SDK1: variants seen among roughly 807,000 people sequenced by gnomAD.
The protein encoded by SDK1 is sidekick cell adhesion molecule 1, also known as protein sidekick-1.
A neutral mutation model predicts 245.5 loss-of-function variants in SDK1; 157 were observed. The ratio of observed to expected loss-of-function variants is 0.64; its 90% confidence interval spans 0.56 to 0.73. The LOEUF is 0.73. Ranked by LOEUF, SDK1 falls within the 30% of genes least tolerant of loss-of-function variation. SDK1 has a pLI of 0.00. For synonymous variants in SDK1, 1,647 were observed against 1,278.5 expected (o/e 1.29, Z -6.15); for missense variants, 3,583 against 3,002.3 (o/e 1.19, Z -4.52).
chr7:3,684,679 G>A (rs1016812709), intron 4 of SDK1, among the ~76,000 whole-genome samples: 3 of 152,114 alleles, frequency 2.0e-5, no homozygotes, highest in Non-Finnish European at 4.4e-5. Flanking sequence ...TGAATGTGAT[G>A]TTGGAATAAT....
intron 1 of SDK1, among the ~76,000 whole-genome samples, chr7:3,508,689 T>G (rs1041924583): frequency 6.6e-6 from 1 of 152,192 alleles, no homozygotes; most frequent in Admixed American, 6.5e-5. Flanking sequence ...CCTTTCCTGA[T>G]TCTTCAAAGT....
intron 1 of SDK1, among the ~76,000 whole-genome samples, chr7:3,524,372 G>A (rs372393633): frequency 5.3e-5 from 8 of 152,112 alleles, no homozygotes; most frequent in East Asian, 3.9e-4. Context: ...GGATGGAAGC[G>A]GGGAGATCAA....
At chr7:3,479,474 G>A (rs964057760) in intron 1 of SDK1, among the ~76,000 whole-genome samples, 1 of 150,016 alleles carries the variant, frequency 6.7e-6, no homozygotes, top group Non-Finnish European at 1.5e-5. Flanking sequence ...GGTGGATACA[G>A]GGCTCTAAAA....
chr7:4,141,570 A>T (rs685682), intron 28 of SDK1, among the ~76,000 whole-genome samples: 27,560 of 152,198 alleles, frequency 0.18, 2,691 homozygotes, highest in South Asian at 0.24. Context: ...AGTCTTAATC[A>T]CACACAACTC....
intron 3 of SDK1, among the ~76,000 whole-genome samples, chr7:3,639,802 AAT>A (rs1782593509): frequency 6.6e-6 from 1 of 151,894 alleles, no homozygotes; most frequent in African/African-American, 2.4e-5. Flanking sequence ...GTGTATATAT[AAT>A]AGAGACATAA....
At chr7:3,454,931 C>T (rs1021827854) in intron 1 of SDK1, among the ~76,000 whole-genome samples, 5 of 152,098 alleles carry the variant, frequency 3.3e-5, no homozygotes, top group African/African-American at 1.2e-4. Flanking sequence ...GTGACTGTAC[C>T]ATTTTACTAT....
At chr7:4,200,529 G>C (rs764385045) in intron 35 of SDK1, among the ~76,000 whole-genome samples, 11 of 152,222 alleles carry the variant, frequency 7.2e-5, no homozygotes, top group Non-Finnish European at 1.6e-4. Flanking sequence ...CTGAAAGTTC[G>C]ACCGGGGAAG....
intron 22 of SDK1, among the ~76,000 whole-genome samples, chr7:4,091,353 T>TTA (rs1475737099): frequency 1.4e-5 from 2 of 145,498 alleles, no homozygotes; most frequent in African/African-American, 5.2e-5. Flanking sequence ...TTTTTTTTTT[T>TTA]TTTGTTTGAG....
At chr7:3,961,831 A>G (rs1179028887) in intron 8 of SDK1, among the ~76,000 whole-genome samples, 3 of 152,212 alleles carry the variant, frequency 2.0e-5, no homozygotes, top group Non-Finnish European at 2.9e-5. Flanking sequence ...ATGTAAATGT[A>G]CACACATGCA....
intron 1 of SDK1, among the ~76,000 whole-genome samples, chr7:3,487,057 A>T (rs1036450426): frequency 3.3e-5 from 5 of 152,274 alleles, no homozygotes; most frequent in African/African-American, 1.2e-4. Context: ...TCAGCTCGCC[A>T]TTGTGTTGTG....
intron 30 of SDK1, among the ~76,000 whole-genome samples, chr7:4,155,526 TG>T (rs1329872093): frequency 6.6e-6 from 1 of 152,180 alleles, no homozygotes; most frequent in African/African-American, 2.4e-5. Context: ...TAGCAAAGTG[TG>T]AAGTACTAAA....
intron 4 of SDK1, among the ~76,000 whole-genome samples, chr7:3,787,027 C>CT (rs1780922553): frequency 6.6e-6 from 1 of 152,042 alleles, no homozygotes; most frequent in South Asian, 2.1e-4. Flanking sequence ...TCCCCATACA[C>CT]TTTAGTGGTG....
intron 40 of SDK1, among the ~76,000 whole-genome samples, chr7:4,229,449 C>G (rs528981584): frequency 3.3e-5 from 5 of 152,234 alleles, no homozygotes; most frequent in Admixed American, 2.6e-4. Context: ...CTAAATAAAT[C>G]GTTCTGCGTT....
chr7:4,083,910 G>A (rs1333195822), intron 22 of SDK1, among the ~76,000 whole-genome samples: 1 of 151,462 alleles, frequency 6.6e-6, no homozygotes, highest in African/African-American at 2.4e-5. Context: ...CGTAGGTCTA[G>A]TCGCCCCACT....
At chr7:3,636,819 C>G (rs1012591927) in intron 2 of SDK1, among the ~76,000 whole-genome samples, 2 of 152,114 alleles carry the variant, frequency 1.3e-5, no homozygotes, top group Non-Finnish European at 2.9e-5. Flanking sequence ...TACAGTAGTT[C>G]CTTTTTCTCC....
At chr7:3,857,623 G>C (rs375766220) in intron 5 of SDK1, among the ~76,000 whole-genome samples, 1 of 151,698 alleles carries the variant, frequency 6.6e-6, no homozygotes, top group Non-Finnish European at 1.5e-5. Context: ...GAAGGTCAAG[G>C]CTGCAGTGAT....
intron 1 of SDK1, among the ~76,000 whole-genome samples, chr7:3,368,718 C>A (rs1241216931): frequency 6.6e-6 from 1 of 152,128 alleles, no homozygotes; most frequent in Non-Finnish European, 1.5e-5. Context: ...CTGTCTGTGC[C>A]ACCTCTGTCT....
chr7:4,006,135 A>C (rs1287176824), intron 14 of SDK1, among the ~76,000 whole-genome samples: 2 of 152,246 alleles, frequency 1.3e-5, no homozygotes, highest in African/African-American at 4.8e-5. Context: ...TTAATTGAGA[A>C]ACTGATAATG....
Position 3,851,426 on chromosome 7 carries a change from T to A in SDK1, c.847+29843T>A, listed in dbSNP as rs73674317. 5.6e-3 allele frequency among the ~76,000 whole-genome samples: 857 copies of A among 152,350 alleles called. 7 individuals carry two copies. The highest frequency in any genetic ancestry group is 0.019 in the African/African-American group (798 of 41,574). The stretch of plus-strand genomic sequence containing the variant: ...CTCAGTTAAAACTAATTTATACTTA[T>A]ATTTTCATAAAGATAGAAGCGTAAT... On this transcript the variant is annotated intron_variant, in intron 5 of 44. Transcript: ENST00000404826.
Sources: allele counts gnomAD v4.1 joint callset (sites outside exome capture counted in the v4.1 genomes callset), GRCh38; gene constraint gnomAD v4.1.1; transcripts MANE v1.5; gene names NCBI Gene and HGNC (gene_info 2026-07-23, HGNC 2026-07-21).